Variants in TPM1 observed in about 807,000 individuals in gnomAD.
TPM1 encodes the protein tropomyosin 1, also known as tropomyosin alpha-1 chain.
A neutral mutation model predicts 42.9 loss-of-function variants in TPM1; 24 were observed. The ratio of observed to expected loss-of-function variants is 0.56; its 90% CI spans 0.41 to 0.79. The LOEUF (loss-of-function observed/expected upper bound fraction) is 0.79. TPM1 is among the 30% of genes least tolerant of loss of function. The pLI is 0.00. For synonymous variants in TPM1, 136 were observed against 130.1 expected (o/e 1.05, Z -0.31); for missense variants, 158 against 351.8 (o/e 0.45, Z 4.41).
intron 2 of TPM1, among the ~76,000 whole-genome samples, chr15:63,053,673 ATTT>A (rs397853689): frequency 2.7e-5 from 2 of 75,108 alleles, no homozygotes; most frequent in Admixed American, 1.3e-4. Flanking sequence ...TGGAAGTTTG[ATTT>A]TTTTTTTTTT....
intron 9 of TPM1, chr15:63,065,689 A>G (rs2036199584): frequency 1.0e-6 from 1 of 975,032 alleles, no homozygotes; most frequent in Admixed American, 6.2e-5. Context: ...GTCTTCTTAA[A>G]ATGGACCCTT....
intron 4 of TPM1, chr15:63,059,995 A>T (rs753389979): frequency 1.7e-5 from 6 of 347,068 alleles, no homozygotes; most frequent in Non-Finnish European, 3.4e-5. Flanking sequence ...TTGTGAAAGG[A>T]GGCTCTCATG....
intron 2 of TPM1, chr15:63,048,893 C>G: frequency 2.7e-6 from 2 of 747,600 alleles, no homozygotes; most frequent in Non-Finnish European, 4.5e-6. Flanking sequence ...TTCTCCTGAG[C>G]CTTTGTTTTC....
chr15:63,057,759 C>T (rs1355765679), intron 3 of TPM1, among the ~76,000 whole-genome samples: 3 of 152,194 alleles, frequency 2.0e-5, no homozygotes, highest in African/African-American at 7.2e-5. Flanking sequence ...AAGCATGGTT[C>T]GTATAGACCA....
At chr15:63,044,227 G>A in intron 2 of TPM1, 75 bp downstream of exon 2, 1 of 1,610,508 alleles carries the variant, frequency 6.2e-7, no homozygotes, top group Non-Finnish European at 8.5e-7. Context: ...GGGCTGGAGA[G>A]CAATGAAGGA....
chr15:63,065,083 G>A (rs2141004060), intron 9 of TPM1: 1 of 985,372 alleles, frequency 1.0e-6, no homozygotes, highest in Non-Finnish European at 1.2e-6. Flanking sequence ...CACAACCTGT[G>A]TCAAATAAAT....
intron 5 of TPM1, chr15:63,061,309 C>T (rs2035587796): frequency 6.3e-7 from 1 of 1,599,108 alleles, no homozygotes; most frequent in African/African-American, 1.3e-5. Flanking sequence ...GGTTTAACTG[C>T]AACCCAGACA....
chr15:63,069,695 C>T (rs1260231261), downstream of TPM1, among the ~76,000 whole-genome samples: 2 of 152,186 alleles, frequency 1.3e-5, no homozygotes, highest in African/African-American at 4.8e-5. Flanking sequence ...TTAGGGTCTA[C>T]CCTTCCTGGA....
intron 6 of TPM1, 27 bp from the exon 7 acceptor site, chr15:63,062,188 C>T (rs2035726276): frequency 4.4e-6 from 7 of 1,607,092 alleles, no homozygotes; most frequent in Admixed American, 1.7e-5. Flanking sequence ...TGCAGCCTGA[C>T]ATCTGGAATG....
chr15:63,043,226 G>T, intron 1 of TPM1: 1 of 520,594 alleles, frequency 1.9e-6, no homozygotes, highest in Non-Finnish European at 3.5e-6. Context: ...GAATCAGTTT[G>T]GGGGAGGGAG....
intron 9 of TPM1, chr15:63,064,982 G>A (rs2036120140): frequency 2.0e-6 from 2 of 984,832 alleles, no homozygotes; most frequent in South Asian, 9.4e-5. Flanking sequence ...AAAAAAGAAT[G>A]GTAGAGTAAA....
At position 63,047,941 on chromosome 15, in the gene TPM1, A is replaced by T. The variant is rs776940419; in HGVS notation, c.240+3789A>T. The T allele has an allele frequency of 9.5e-5, 21 of 222,188 alleles. No individual in the cohort carries two copies. The Admixed American group carries it at 1.0e-3, about 11-fold the overall frequency. The allele number at this position is 222,188 out of a possible 1,614,324, so 13.8% of individuals were successfully genotyped here. On this transcript the variant is annotated intron_variant, in intron 2 of 9. Transcript: ENST00000403994. ...CTAGGAAAACTGCATTTAGAACAGG[A>T]GGTCTAACCACTGTGCTCTACACGC... is the stretch of plus-strand genomic sequence containing the variant.
intron 2 of TPM1, among the ~76,000 whole-genome samples, chr15:63,053,586 G>A (rs1283717986): frequency 6.6e-6 from 1 of 151,958 alleles, no homozygotes; most frequent in East Asian, 1.9e-4. Context: ...TGGTGGCAAA[G>A]GGGATTGTTT....
At chr15:63,044,302 CCT>C (rs1219879363) in intron 2 of TPM1, 150 bp downstream of exon 2, 1 of 1,065,758 alleles carries the variant, frequency 9.4e-7, no homozygotes, top group Admixed American at 1.9e-5. Context: ...TTGGATGCCG[CCT>C]CTGACTGCTA....
At chr15:63,048,491 C>T (rs1192814678) in intron 2 of TPM1, 9 of 1,447,598 alleles carry the variant, frequency 6.2e-6, no homozygotes, top group Non-Finnish European at 6.3e-6. Flanking sequence ...CGCTGGGCAG[C>T]CAGGACAGCC....
downstream of TPM1, among the ~76,000 whole-genome samples, chr15:63,068,270 G>T (rs191034073): frequency 1.3e-5 from 2 of 152,346 alleles, no homozygotes; most frequent in African/African-American, 2.4e-5. Flanking sequence ...AGATAGAGGA[G>T]TGAAGCGAGT....
At chr15:63,055,128 C>G (rs538414694) in intron 2 of TPM1, among the ~76,000 whole-genome samples, 2 of 151,928 alleles carry the variant, frequency 1.3e-5, no homozygotes, top group African/African-American at 4.8e-5. Flanking sequence ...ACACCAGAAA[C>G]AACAGTCATC....
chr15:63,043,811 G>A (rs768164572), intron 1 of TPM1: 3 of 1,548,608 alleles, frequency 1.9e-6, no homozygotes, highest in South Asian at 1.2e-5. Flanking sequence ...CCTCCTGGCC[G>A]CCGAAGAGGC....
intron 6 of TPM1, 60 bp from the exon 7 acceptor site, chr15:63,062,155 G>T: frequency 6.6e-7 from 1 of 1,509,330 alleles, no homozygotes; most frequent in South Asian, 1.1e-5. Context: ...TTCTTTGCAT[G>T]AGAAGCCATG....
Sources: gnomAD v4.1 joint callset for allele counts (sites outside exome capture counted in the v4.1 genomes callset) on GRCh38, gnomAD v4.1.1 for gene constraint, MANE v1.5 for transcripts, NCBI Gene and HGNC (gene_info 2026-07-23, HGNC 2026-07-21) for gene names.